ATP6V0A1: variants seen among roughly 807,000 people sequenced by gnomAD.
ATP6V0A1 encodes the protein V-type proton ATPase 116 kDa subunit a 1.
A neutral mutation model predicts 105.4 loss-of-function variants in ATP6V0A1; 43 were observed. The observed-to-expected ratio is 0.41, with a 90% CI of 0.32 to 0.53. The LOEUF is 0.53. ATP6V0A1 is among the 20% of genes least tolerant of loss of function. The pLI is 0.30. For missense variants in ATP6V0A1, 676 were observed against 1,051.1 expected, an observed-to-expected ratio of 0.64 and a Z score of 4.93; for synonymous variants, 362 against 372.8, an observed-to-expected ratio of 0.97 and a Z score of 0.33.
intron 2 of ATP6V0A1, among the ~76,000 whole-genome samples, chr17:42,461,260 G>C (rs181274250): frequency 2.8e-4 from 42 of 152,230 alleles, no homozygotes; most frequent in African/African-American, 9.6e-4. Context: ...TGTTTGGGAT[G>C]CAGGGAGAGG....
chr17:42,494,533 A>G, intron 12 of ATP6V0A1, 60 bp downstream of exon 12: 11 of 1,523,488 alleles, frequency 7.2e-6, no homozygotes, highest in Non-Finnish European at 8.9e-6. Flanking sequence ...AGCATTCATT[A>G]TGAAAATTAT....
At chr17:42,465,356 T>C (rs2086914341) in intron 2 of ATP6V0A1, among the ~76,000 whole-genome samples, 1 of 151,908 alleles carries the variant, frequency 6.6e-6, no homozygotes, top group Non-Finnish European at 1.5e-5. Context: ...AGTGGCATGA[T>C]TTTGGCTCAC....
chr17:42,490,748 G>A, intron 11 of ATP6V0A1, 111 bp downstream of exon 11: 3 of 1,210,510 alleles, frequency 2.5e-6, no homozygotes, highest in South Asian at 1.6e-5. Context: ...GAGTGCAGCA[G>A]CACGACTGTA....
At chr17:42,489,406 G>A (rs917649637) in intron 10 of ATP6V0A1, among the ~76,000 whole-genome samples, 1 of 152,094 alleles carries the variant, frequency 6.6e-6, no homozygotes, top group Non-Finnish European at 1.5e-5. Flanking sequence ...AGAGTAATCT[G>A]CTGATAGTAT....
chr17:42,519,136 C>G (rs957324763), intron 21 of ATP6V0A1: 2 of 152,300 alleles, frequency 1.3e-5, no homozygotes. Context: ...CACCTGTCTG[C>G]TCACACAGTA....
At chr17:42,492,887 G>A (rs2090794421) in intron 11 of ATP6V0A1, among the ~76,000 whole-genome samples, 1 of 151,610 alleles carries the variant, frequency 6.6e-6, no homozygotes, top group African/African-American at 2.4e-5. Context: ...GCCTGGTGGT[G>A]CATGCCTGTA....
intron 5 of ATP6V0A1, among the ~76,000 whole-genome samples, chr17:42,474,097 G>A (rs1167737328): frequency 6.6e-6 from 1 of 151,788 alleles, no homozygotes; most frequent in Non-Finnish European, 1.5e-5. Flanking sequence ...CCGCCTCCCG[G>A]GTTCAAGCGA....
chr17:42,469,228 T>C (rs1013367600), intron 4 of ATP6V0A1, among the ~76,000 whole-genome samples: 1 of 151,984 alleles, frequency 6.6e-6, no homozygotes, highest in African/African-American at 2.4e-5. Flanking sequence ...TTTATCCATC[T>C]GAAATCGCCT....
intron 2 of ATP6V0A1, 80 bp from the exon 3 acceptor site, chr17:42,466,349 C>A: frequency 7.8e-7 from 1 of 1,278,448 alleles, no homozygotes; most frequent in Non-Finnish European, 1.1e-6. Flanking sequence ...TAGTTTTTCG[C>A]TTTGCAGAAT....
intron 14 of ATP6V0A1, chr17:42,495,978 A>G (rs1035372230): frequency 1.1e-5 from 3 of 283,804 alleles, no homozygotes; most frequent in Non-Finnish European, 2.0e-5. Context: ...AGACTGAGGC[A>G]GGAGAATCGC....
intron 11 of ATP6V0A1, among the ~76,000 whole-genome samples, chr17:42,491,418 C>T (rs1489200225): frequency 6.6e-6 from 1 of 152,116 alleles, no homozygotes; most frequent in East Asian, 1.9e-4. Context: ...TCACGCCATT[C>T]TTCTGCCTCA....
chr17:42,510,224 T>C (rs2092285253), intron 19 of ATP6V0A1: 1 of 152,338 alleles, frequency 6.6e-6, no homozygotes, highest in Non-Finnish European at 1.5e-5. Flanking sequence ...ACCAGGTGCA[T>C]TCATCCCATC....
In ATP6V0A1 at chr17:42,499,093, T is replaced by A. The variant is rs190863056; in HGVS notation, c.1679+51T>A. On this transcript the variant is annotated intron_variant, in intron 15 of 21. Coordinates refer to ENST00000343619, the MANE Select transcript of ATP6V0A1 (RefSeq NM_001130021.3). ...GAATGTGCATAGTTTAGAGAATGCTTTTGTGTAAAGAAATCATGACATCTT... is the reference window on the plus strand; with the variant it reads ...GAATGTGCATAGTTTAGAGAATGCTATTGTGTAAAGAAATCATGACATCTT... 4.4e-5 allele frequency: 58 copies of A among 1,320,128 alleles called. No individual in the cohort carries two copies. The African/African-American group carries it at 7.9e-4, about 18-fold the overall frequency. The allele number at this position is 1,320,128 out of a possible 1,614,324, so 81.8% of individuals were successfully genotyped here.
At chr17:42,485,955 A>G (rs1228729630) in intron 9 of ATP6V0A1, among the ~76,000 whole-genome samples, 1 of 152,230 alleles carries the variant, frequency 6.6e-6, no homozygotes, top group Non-Finnish European at 1.5e-5. Flanking sequence ...AAAACAAAAC[A>G]AAGGAAGTCA....
chr17:42,494,322 G>A lies in ATP6V0A1; in HGVS notation c.1175-12G>A. On this transcript the variant is annotated splice_polypyrimidine_tract_variant and intron_variant, in intron 11 of 21. Coordinates refer to ENST00000343619, the MANE Select transcript of ATP6V0A1 (RefSeq NM_001130021.3). ...TGTACTTTGTATTTTTCTTTTTTTG[G>A]TTTCTTCATAGCTCCGTATACTATT... 1 of 1,596,864 alleles carries A rather than the reference G, an allele frequency of 6.3e-7. No homozygotes were observed. The highest frequency in any genetic ancestry group is 8.5e-7 in the Non-Finnish European group (1 of 1,172,412).
Position 42,477,651 on chromosome 17 carries a change from C to G in ATP6V0A1, c.424-9C>G. 1 of 1,613,430 alleles carries G rather than the reference C, an allele frequency of 6.2e-7. No homozygotes were observed. ...TTTGTGAATTCAGGCTGAATTGCATCATCAGCAGATGGCGGATCCAGACTT... is the reference window on the plus strand; with the variant it reads ...TTTGTGAATTCAGGCTGAATTGCATGATCAGCAGATGGCGGATCCAGACTT... On this transcript the variant is annotated splice_polypyrimidine_tract_variant and intron_variant, in intron 5 of 21. Coordinates refer to ENST00000343619, the MANE Select transcript of ATP6V0A1 (RefSeq NM_001130021.3).
chr17:42,507,400 G>C, intron 17 of ATP6V0A1, 120 bp from the exon 18 acceptor site: 1 of 724,030 alleles, frequency 1.4e-6, no homozygotes, highest in South Asian at 1.8e-5. Context: ...AGTGGGTTTT[G>C]TTTTTGTTGT....
At chr17:42,468,545 C>A (rs2087420196) in intron 4 of ATP6V0A1, among the ~76,000 whole-genome samples, 1 of 152,172 alleles carries the variant, frequency 6.6e-6, no homozygotes, top group Non-Finnish European at 1.5e-5. Flanking sequence ...CAAACCCACA[C>A]ACCCTTCATA....
rs2086050331 is a variant in ATP6V0A1, at chr17:42,458,913, C to T, written c.-98C>T. On this transcript the variant is annotated 5_prime_UTR_variant, in exon 1 of 22. Transcript: ENST00000343619. ...GCTGCTCCTGGAGCCGCGGAGGGTG[C>T]GGGTTTGGCTGCGGTGGTTTCTGTG... 1 of 153,458 alleles carries T rather than the reference C, an allele frequency of 6.5e-6. No homozygotes were observed. The highest frequency in any genetic ancestry group is 1.5e-5 in the Non-Finnish European group (1 of 68,680). The allele number at this position is 153,458 out of a possible 1,614,324, so 9.5% of individuals were successfully genotyped here.
Sources: allele counts gnomAD v4.1 joint callset (sites outside exome capture counted in the v4.1 genomes callset), GRCh38; gene constraint gnomAD v4.1.1; transcripts MANE v1.5; gene names NCBI Gene and HGNC (gene_info 2026-07-23, HGNC 2026-07-21).